LRRTM4: variants seen among roughly 807,000 people sequenced by gnomAD.
The protein encoded by LRRTM4 is leucine rich repeat transmembrane neuronal 4.
Under a neutral mutation model 47.6 loss-of-function variants are expected in LRRTM4, and 25 were observed. That is an observed-to-expected ratio of 0.53 (90% CI 0.38 to 0.73). The LOEUF (loss-of-function observed/expected upper bound fraction) is 0.73, where lower values mean the gene tolerates loss of function less well. Among genes scored for constraint, LRRTM4 ranks in the 30% least tolerant of loss-of-function variants. The pLI, the probability that LRRTM4 is intolerant of heterozygous loss-of-function variation, is 0.00. For synonymous variants in LRRTM4, 311 were observed against 269.5 expected (o/e 1.15, Z -1.51); for missense variants, 638 against 713.4 (o/e 0.89, Z 1.20).
intron 3 of LRRTM4, among the ~76,000 whole-genome samples, chr2:76,852,947 A>G (rs1431220749): frequency 1.3e-5 from 2 of 152,128 alleles, no homozygotes; most frequent in Non-Finnish European, 2.9e-5. Flanking sequence ...TTATATTAGA[A>G]AAAAACAGTA....
At chr2:77,224,291 T>C (rs1214745670) in intron 3 of LRRTM4, among the ~76,000 whole-genome samples, 2 of 152,062 alleles carry the variant, frequency 1.3e-5, no homozygotes, top group Admixed American at 6.6e-5. Flanking sequence ...ATTCAGGACA[T>C]AGGCATGGGC....
chr2:77,053,774 A>G (rs1041872243), intron 3 of LRRTM4, among the ~76,000 whole-genome samples: 12 of 152,192 alleles, frequency 7.9e-5, no homozygotes, highest in Admixed American at 7.2e-4. Flanking sequence ...AGGGAAAATT[A>G]AATTGAAATT....
At chr2:77,197,100 T>C (rs1024134538) in intron 3 of LRRTM4, among the ~76,000 whole-genome samples, 1 of 152,174 alleles carries the variant, frequency 6.6e-6, no homozygotes, top group Non-Finnish European at 1.5e-5. Context: ...CTTAAATTTG[T>C]AGACTCGTAC....
At chr2:77,102,056 T>C (rs1040086685) in intron 3 of LRRTM4, among the ~76,000 whole-genome samples, 2 of 152,234 alleles carry the variant, frequency 1.3e-5, no homozygotes, top group Non-Finnish European at 2.9e-5. Flanking sequence ...AGTTACTATC[T>C]GTGTGTGCTG....
chr2:77,060,004 G>A (rs868637327), intron 3 of LRRTM4, among the ~76,000 whole-genome samples: 2 of 152,190 alleles, frequency 1.3e-5, no homozygotes, highest in Admixed American at 6.5e-5. Flanking sequence ...CAGCAGTTAA[G>A]AGCAGGAGTT....
chr2:76,963,422 T>C (rs976813379), intron 3 of LRRTM4, among the ~76,000 whole-genome samples: 8 of 151,048 alleles, frequency 5.3e-5, no homozygotes, highest in Non-Finnish European at 8.9e-5. Flanking sequence ...TTAAAACAGA[T>C]TTCTCATCAG....
At chr2:77,391,966 C>T (rs544088673) in intron 3 of LRRTM4, among the ~76,000 whole-genome samples, 3 of 151,922 alleles carry the variant, frequency 2.0e-5, no homozygotes, top group African/African-American at 7.2e-5. Flanking sequence ...AGTATTTTAC[C>T]CCATAACATA....
At chr2:77,481,219 C>T (rs1231244825) in intron 3 of LRRTM4, among the ~76,000 whole-genome samples, 2 of 152,124 alleles carry the variant, frequency 1.3e-5, no homozygotes, top group East Asian at 3.9e-4. Context: ...TCATGGAATT[C>T]TTGTCATAAC....
intron 3 of LRRTM4, among the ~76,000 whole-genome samples, chr2:76,947,368 A>G (rs1271023774): frequency 2.6e-5 from 4 of 151,998 alleles, no homozygotes; most frequent in African/African-American, 4.8e-5. Flanking sequence ...CTCTAGAAAA[A>G]CAAAGACAGT....
chr2:76,937,557 T>C (rs1007145372), intron 3 of LRRTM4, among the ~76,000 whole-genome samples: 1 of 152,228 alleles, frequency 6.6e-6, no homozygotes, highest in Non-Finnish European at 1.5e-5. Context: ...TAATTATCTT[T>C]ACAAAATCTT....
intron 3 of LRRTM4, among the ~76,000 whole-genome samples, chr2:77,299,776 A>T (rs1262016535): frequency 6.6e-6 from 1 of 152,126 alleles, no homozygotes; most frequent in Non-Finnish European, 1.5e-5. Context: ...TTCAAAGAAA[A>T]CATGTTGACA....
At chr2:77,302,599 T>C (rs1256589413) in intron 3 of LRRTM4, among the ~76,000 whole-genome samples, 2 of 152,364 alleles carry the variant, frequency 1.3e-5, no homozygotes, top group East Asian at 3.9e-4. Flanking sequence ...GTAATTTCAG[T>C]AAATACTTGG....
intron 3 of LRRTM4, among the ~76,000 whole-genome samples, chr2:76,957,107 C>G (rs1190680394): frequency 6.6e-6 from 1 of 151,616 alleles, no homozygotes; most frequent in African/African-American, 2.4e-5. Flanking sequence ...TTGTTATATG[C>G]TACAACATGG....
At chr2:77,312,497 A>G (rs1466297946) in intron 3 of LRRTM4, among the ~76,000 whole-genome samples, 1 of 152,210 alleles carries the variant, frequency 6.6e-6, no homozygotes, top group South Asian at 2.1e-4. Flanking sequence ...TTAAAGACAA[A>G]TACATTTAAT....
intron 3 of LRRTM4, among the ~76,000 whole-genome samples, chr2:77,032,327 A>G (rs1485328792): frequency 2.0e-5 from 3 of 152,168 alleles, no homozygotes; most frequent in African/African-American, 4.8e-5. Context: ...CTCAAACAAA[A>G]TAACAACTCC....
chr2:77,136,456 C>A (rs1377203788), intron 3 of LRRTM4, among the ~76,000 whole-genome samples: 5 of 152,100 alleles, frequency 3.3e-5, no homozygotes, highest in African/African-American at 1.2e-4. Flanking sequence ...GAAAGGACAT[C>A]CACACCAAAA....
chr2:76,944,988 C>G (rs1205452738), intron 3 of LRRTM4, among the ~76,000 whole-genome samples: 5 of 152,002 alleles, frequency 3.3e-5, no homozygotes, highest in Non-Finnish European at 7.4e-5. Flanking sequence ...AGAAACTACA[C>G]AGTTTGAAGA....
chr2:76,868,492 T>G (rs901756914), intron 3 of LRRTM4, among the ~76,000 whole-genome samples: 1 of 152,182 alleles, frequency 6.6e-6, no homozygotes, highest in Non-Finnish European at 1.5e-5. Context: ...ATTTTTCCCC[T>G]TGAATACACA....
intron 3 of LRRTM4, among the ~76,000 whole-genome samples, chr2:77,007,309 T>G (rs1677693362): frequency 6.6e-6 from 1 of 152,084 alleles, no homozygotes; most frequent in South Asian, 2.1e-4. Flanking sequence ...AAGGCTTCCT[T>G]TTATATTATA....
Sources: allele counts gnomAD v4.1 joint callset (sites outside exome capture counted in the v4.1 genomes callset), GRCh38; gene constraint gnomAD v4.1.1; transcripts MANE v1.5; gene names NCBI Gene and HGNC (gene_info 2026-07-23, HGNC 2026-07-21).